The following TNFSF11 variants were observed in gnomAD, a reference collection of about 807,000 sequenced individuals.
TNFSF11 encodes TNF superfamily member 11, also known as tumor necrosis factor ligand superfamily member 11.
TNFSF11 carries 12 observed loss-of-function variants against 32.2 expected under a neutral mutation model. The observed-to-expected ratio is 0.37, with a 90% CI of 0.24 to 0.60. TNFSF11 has a LOEUF of 0.60. Ranked by LOEUF, TNFSF11 falls within the 20% of genes least tolerant of loss-of-function variation. The pLI is 0.66. For missense variants in TNFSF11, 345 were observed against 398.0 expected, an observed-to-expected ratio of 0.87 and a Z score of 1.13; for synonymous variants, 172 against 152.1, an observed-to-expected ratio of 1.13 and a Z score of -0.96.
chr13:42,567,654 CATT>C (rs1872915931), intron 2 of TNFSF11, among the ~76,000 whole-genome samples: 1 of 152,124 alleles, frequency 6.6e-6, no homozygotes, highest in Non-Finnish European at 1.5e-5. Context: ...TCAGATGCCT[CATT>C]ATATCCCTTT....
At chr13:42,572,206 G>T (rs1873093294), upstream of TNFSF11, among the ~76,000 whole-genome samples, 1 of 152,150 alleles carries the variant, frequency 6.6e-6, no homozygotes, top group Non-Finnish European at 1.5e-5. Flanking sequence ...GTAACATACG[G>T]TCCCATATAT....
intron 1 of TNFSF11, chr13:42,566,565 AG>A (rs1173619067): frequency 6.6e-6 from 1 of 152,362 alleles, no homozygotes; most frequent in Non-Finnish European, 1.5e-5. Context: ...GATCAATTGA[AG>A]GGAAAAAAGG....
At chr13:42,565,594 A>C (rs1332259439) in intron 1 of TNFSF11, among the ~76,000 whole-genome samples, 1 of 152,216 alleles carries the variant, frequency 6.6e-6, no homozygotes, top group African/African-American at 2.4e-5. Flanking sequence ...AAATAGTATG[A>C]TGTACAAGAA....
intron 4 of TNFSF11, 79 bp from the exon 5 acceptor site, chr13:42,606,418 C>T (rs777563354): frequency 6.7e-5 from 104 of 1,562,144 alleles, no homozygotes; most frequent in Admixed American, 1.0e-4. Flanking sequence ...TATTTTTTCT[C>T]CCTAACCTCA....
chr13:42,598,888 A>G (rs1868970239), intron 2 of TNFSF11, among the ~76,000 whole-genome samples: 1 of 152,220 alleles, frequency 6.6e-6, no homozygotes, highest in Admixed American at 6.5e-5. Context: ...AATTCCAGAA[A>G]TTAGGCACCA....
chr13:42,576,098 A>G (rs1321313620), intron 1 of TNFSF11, among the ~76,000 whole-genome samples: 2 of 152,250 alleles, frequency 1.3e-5, no homozygotes, highest in African/African-American at 4.8e-5. Context: ...AAAGAGCAAC[A>G]ATCAGAAAAG....
chr13:42,575,276 G>A (rs1873255869), intron 1 of TNFSF11, among the ~76,000 whole-genome samples: 1 of 152,228 alleles, frequency 6.6e-6, no homozygotes, highest in South Asian at 2.1e-4. Flanking sequence ...CCTTCGGAAA[G>A]ATGAAGAGGT....
At chr13:42,583,633 T>C (rs1470144980) in intron 2 of TNFSF11, among the ~76,000 whole-genome samples, 2 of 152,028 alleles carry the variant, frequency 1.3e-5, no homozygotes, top group Non-Finnish European at 2.9e-5. Flanking sequence ...TTCTTGATGT[T>C]ATTACGAATG....
rs534060661 is a variant in TNFSF11, at chr13:42,582,629, T to G, written c.387+1336T>G. Among the ~76,000 whole-genome samples, 19 of 152,374 alleles carry G rather than the reference T, an allele frequency of 1.2e-4. No individual in the cohort carries two copies. In the East Asian group the frequency reaches 3.3e-3, roughly 26 times the overall value. ...TTAATGTGTCTATAAGAAAACACATTGCTTATGAAAATTACTTTTTCATTA... is the reference window on the plus strand; with the variant it reads ...TTAATGTGTCTATAAGAAAACACATGGCTTATGAAAATTACTTTTTCATTA... On this transcript the variant is annotated intron_variant, in intron 2 of 4. Transcript: ENST00000398795.
At chr13:42,600,609 T>C (rs1594479321) in intron 2 of TNFSF11, 143 bp from the exon 3 acceptor site, 1 of 882,100 alleles carries the variant, frequency 1.1e-6, no homozygotes, top group East Asian at 2.6e-5. Context: ...CTAATACATA[T>C]AGGAATTTCA....
intron 1 of TNFSF11, among the ~76,000 whole-genome samples, chr13:42,575,443 C>G (rs1371613855): frequency 6.6e-6 from 1 of 152,126 alleles, no homozygotes; most frequent in East Asian, 1.9e-4. Context: ...GTGCTGTGAA[C>G]TCTTTCTCAG....
At chr13:42,599,934 T>G (rs1295116467) in intron 2 of TNFSF11, among the ~76,000 whole-genome samples, 4 of 152,174 alleles carry the variant, frequency 2.6e-5, no homozygotes, top group Admixed American at 2.6e-4. Flanking sequence ...CACCCTGTGA[T>G]GGGGTGCTGT....
At chr13:42,593,076 A>T (rs1188818465) in intron 2 of TNFSF11, among the ~76,000 whole-genome samples, 1 of 152,218 alleles carries the variant, frequency 6.6e-6, no homozygotes, top group Non-Finnish European at 1.5e-5. Context: ...TTCTAATCAC[A>T]TGACCGGTCC....
upstream of TNFSF11, among the ~76,000 whole-genome samples, chr13:42,569,156 T>TTA (rs941969252): frequency 1.3e-5 from 2 of 152,100 alleles, no homozygotes; most frequent in African/African-American, 2.4e-5. Context: ...ATGGCAAAAC[T>TTA]TACTTTGCAT....
chr13:42,592,791 G>A (rs1427176124), intron 2 of TNFSF11, among the ~76,000 whole-genome samples: 1 of 152,130 alleles, frequency 6.6e-6, no homozygotes, highest in Admixed American at 6.5e-5. Context: ...GTTCCCCCAT[G>A]CTGTTCTCAT....
Position 42,591,791 on chromosome 13 carries a change from C to G in TNFSF11, c.388-8961C>G, listed in dbSNP as rs570304986. ...CACCCAGTGGCCACTCTTTCTGTGC[C>G]TTGTTAGCCAAGAATGCCGTGGAAA... On this transcript the variant is annotated intron_variant, in intron 2 of 4. Coordinates refer to ENST00000398795, the MANE Select transcript of TNFSF11 (RefSeq NM_003701.4). 9.2e-5 allele frequency among the ~76,000 whole-genome samples: 14 copies of G among 152,314 alleles called. No homozygotes were observed. The South Asian group carries it at 2.9e-3, about 32-fold the overall frequency.
chr13:42,603,506 A>G (rs1282981729), intron 4 of TNFSF11, among the ~76,000 whole-genome samples: 1 of 152,140 alleles, frequency 6.6e-6, no homozygotes, highest in Non-Finnish European at 1.5e-5. Context: ...TCCTCTCTTC[A>G]CACTGACTGG....
At chr13:42,579,033 A>T (rs956667141) in intron 1 of TNFSF11, among the ~76,000 whole-genome samples, 2 of 152,178 alleles carry the variant, frequency 1.3e-5, no homozygotes, top group African/African-American at 4.8e-5. Context: ...GTAAAGCCTG[A>T]AATTCTACAT....
chr13:42,563,236 G>C (rs1253127226), intron 1 of TNFSF11, among the ~76,000 whole-genome samples: 1 of 152,224 alleles, frequency 6.6e-6, no homozygotes, highest in Non-Finnish European at 1.5e-5. Context: ...CTGAATTGAA[G>C]GAGGGAAGAA....
Sources: gnomAD v4.1 joint callset for allele counts (sites outside exome capture counted in the v4.1 genomes callset) on GRCh38, gnomAD v4.1.1 for gene constraint, MANE v1.5 for transcripts, NCBI Gene and HGNC (gene_info 2026-07-23, HGNC 2026-07-21) for gene names.